ZNF407: variants seen among roughly 807,000 people sequenced by gnomAD.
ZNF407 encodes zinc finger protein 407.
In ZNF407, 17 loss-of-function variants were observed where a neutral mutation model predicts 131.2. The ratio of observed to expected loss-of-function variants is 0.13; its 90% CI spans 0.09 to 0.19. ZNF407 has a LOEUF of 0.19. Ranked by LOEUF, ZNF407 falls within the 10% of genes least tolerant of loss-of-function variation. The probability of loss-of-function intolerance (pLI) is 1.00; values close to 1 mark genes in which losing one functional copy is unlikely to be tolerated. For missense variants in ZNF407, 2,681 were observed against 2,830.6 expected, an observed-to-expected ratio of 0.95 and a Z score of 1.20; for synonymous variants, 1,156 against 1,062.0, an observed-to-expected ratio of 1.09 and a Z score of -1.72.
chr18:74,717,543 G>T (rs969846191), intron 3 of ZNF407, among the ~76,000 whole-genome samples: 1 of 152,096 alleles, frequency 6.6e-6, no homozygotes. Context: ...AGTTTCTTTC[G>T]ATAGCCATAG....
At chr18:74,980,754 A>G (rs572998505) in intron 8 of ZNF407, among the ~76,000 whole-genome samples, 1 of 152,302 alleles carries the variant, frequency 6.6e-6, no homozygotes, top group South Asian at 2.1e-4. Flanking sequence ...TATGTTGCCC[A>G]CAAATATTTT....
chr18:74,894,205 T>G (rs1406486672), intron 7 of ZNF407, among the ~76,000 whole-genome samples: 1 of 152,122 alleles, frequency 6.6e-6, no homozygotes. Flanking sequence ...TCCAAAAGTC[T>G]AATCCATTAC....
At chr18:75,046,285 G>A (rs748320918) in intron 8 of ZNF407, among the ~76,000 whole-genome samples, 8 of 152,078 alleles carry the variant, frequency 5.3e-5, no homozygotes, top group Middle Eastern at 3.4e-3. Flanking sequence ...GATCAGAGCC[G>A]GGCTGCCCAG....
intron 3 of ZNF407, among the ~76,000 whole-genome samples, chr18:74,734,806 G>A (rs945532976): frequency 1.3e-5 from 2 of 151,866 alleles, no homozygotes; most frequent in African/African-American, 4.8e-5. Context: ...ATGTTTCTTC[G>A]AGTGCAGGAA....
intron 8 of ZNF407, among the ~76,000 whole-genome samples, chr18:74,946,520 T>C (rs1354306556): frequency 6.6e-6 from 1 of 152,246 alleles, no homozygotes; most frequent in Non-Finnish European, 1.5e-5. Flanking sequence ...GGAGAAAATA[T>C]TTTGACCACA....
intron 8 of ZNF407, among the ~76,000 whole-genome samples, chr18:74,989,156 CAT>C (rs1568293528): frequency 6.6e-6 from 1 of 152,202 alleles, no homozygotes; most frequent in East Asian, 1.9e-4. Context: ...GAACTAACAA[CAT>C]GGATGCGCCT....
At chr18:74,769,106 T>A (rs186029328) in intron 3 of ZNF407, among the ~76,000 whole-genome samples, 2 of 152,304 alleles carry the variant, frequency 1.3e-5, no homozygotes, top group East Asian at 3.9e-4. Flanking sequence ...TCTCATTTAA[T>A]CTTCATAGCA....
chr18:74,650,040 T>G (rs1985155171), intron 3 of ZNF407, among the ~76,000 whole-genome samples: 1 of 152,234 alleles, frequency 6.6e-6, no homozygotes, highest in Non-Finnish European at 1.5e-5. Flanking sequence ...GTGAGGCAAC[T>G]GTTTTCTCTT....
At chr18:74,928,919 C>T (rs1292097141) in intron 8 of ZNF407, among the ~76,000 whole-genome samples, 1 of 152,054 alleles carries the variant, frequency 6.6e-6, no homozygotes, top group African/African-American at 2.4e-5. Flanking sequence ...AGTTTTAAAA[C>T]TGTTTTTTTA....
intron 8 of ZNF407, among the ~76,000 whole-genome samples, chr18:74,934,201 C>T (rs1202360834): frequency 6.6e-6 from 1 of 152,074 alleles, no homozygotes; most frequent in Non-Finnish European, 1.5e-5. Flanking sequence ...AAAATAAAAG[C>T]CTAGCATAAA....
chr18:74,646,689 G>A (rs1984989197), intron 3 of ZNF407, among the ~76,000 whole-genome samples: 1 of 152,104 alleles, frequency 6.6e-6, no homozygotes, highest in Non-Finnish European at 1.5e-5. Context: ...CTTTATTATG[G>A]GAAAGCCTAG....
chr18:75,060,189 C>T (rs1973609260), intron 8 of ZNF407: 1 of 152,228 alleles, frequency 6.6e-6, no homozygotes, highest in East Asian at 1.9e-4. Context: ...TTAATGCTAC[C>T]CAGTTGTTCT....
intron 3 of ZNF407, among the ~76,000 whole-genome samples, chr18:74,680,890 T>G (rs926673113): frequency 5.3e-5 from 8 of 152,220 alleles, no homozygotes. Context: ...CTCACCCTTT[T>G]AAATGATTTT....
intron 3 of ZNF407, among the ~76,000 whole-genome samples, chr18:74,746,375 T>C (rs1240908692): frequency 6.6e-6 from 1 of 152,150 alleles, no homozygotes; most frequent in Non-Finnish European, 1.5e-5. Flanking sequence ...TAAAATTTTT[T>C]CTTTTTTAAT....
intron 1 of ZNF407, among the ~76,000 whole-genome samples, chr18:74,606,150 A>C (rs967770894): frequency 1.3e-5 from 2 of 152,202 alleles, no homozygotes. Context: ...CAGTTTAAGG[A>C]AACAGGTGAA....
intron 3 of ZNF407, among the ~76,000 whole-genome samples, chr18:74,695,505 T>C (rs1967331258): frequency 1.3e-5 from 2 of 152,212 alleles, no homozygotes; most frequent in African/African-American, 4.8e-5. Context: ...ATTTTTTATT[T>C]TTTTGGCCTG....
chr18:74,659,863 C>T (rs1313270605), intron 3 of ZNF407, among the ~76,000 whole-genome samples: 2 of 152,144 alleles, frequency 1.3e-5, no homozygotes, highest in South Asian at 2.1e-4. Context: ...AAAGTCACTT[C>T]TGTGCATTTG....
chr18:74,741,971 A>G (rs1568192745), intron 3 of ZNF407, among the ~76,000 whole-genome samples: 1 of 152,246 alleles, frequency 6.6e-6, no homozygotes, highest in Non-Finnish European at 1.5e-5. Context: ...TCTTGCCTAG[A>G]ATTTTACACC....
intron 3 of ZNF407, among the ~76,000 whole-genome samples, chr18:74,763,637 A>G (rs553432633): frequency 2.0e-5 from 3 of 151,612 alleles, no homozygotes; most frequent in Non-Finnish European, 4.4e-5. Context: ...AAGGTAGTTA[A>G]CATTTTTTTG....
Sources: gnomAD v4.1 joint callset for allele counts (sites outside exome capture counted in the v4.1 genomes callset) on GRCh38, gnomAD v4.1.1 for gene constraint, MANE v1.5 for transcripts, NCBI Gene and HGNC (gene_info 2026-07-23, HGNC 2026-07-21) for gene names.